ARHGEF16: variants seen among roughly 807,000 people sequenced by gnomAD.
The protein encoded by ARHGEF16 is Rho guanine nucleotide exchange factor 16.
A neutral mutation model predicts 74.1 loss-of-function variants in ARHGEF16; 59 were observed. That is an observed-to-expected ratio of 0.80 (90% confidence interval 0.65 to 0.99). The LOEUF (loss-of-function observed/expected upper bound fraction) is 0.99. Among genes scored for constraint, ARHGEF16 ranks in the 50% least tolerant of loss-of-function variants. The pLI is 0.00. For missense variants in ARHGEF16, 948 were observed against 986.6 expected (o/e 0.96, Z 0.52); for synonymous variants, 415 against 412.6 (o/e 1.01, Z -0.07).
chr1:3,468,743 C>T, intron 4 of ARHGEF16, 137 bp from the exon 5 acceptor site: 1 of 908,960 alleles, frequency 1.1e-6, no homozygotes, highest in Non-Finnish European at 1.7e-6. Context: ...AGGCCTACTC[C>T]AGGATCGGAC....
intron 4 of ARHGEF16, chr1:3,468,438 G>A (rs183725292): frequency 6.2e-5 from 12 of 192,344 alleles, no homozygotes; most frequent in East Asian, 4.3e-4. Flanking sequence ...GAGGGAGCCC[G>A]GGCGGAAACA....
In ARHGEF16 at chr1:3,473,399, C is replaced by T. The variant is rs770137000; in HGVS notation, c.1182C>T (p.Ser394=). The change falls in exon 8 of 15, where the codon AGC becomes AGT. Residue 394 remains serine, a synonymous_variant. Coordinates refer to ENST00000378378, the MANE Select transcript of ARHGEF16 (RefSeq NM_014448.4). ...QQRTLQKLIS[S]NAAFREALRE... is the part of the protein sequence containing the mutation. ...CAGCCTTGTCCTCTTGCAGAAGCAG[C>T]AACGCCGCCTTCCGAGAGGCCCTGA... 1 of 1,606,078 alleles carries T rather than the reference C, an allele frequency of 6.2e-7. No individual in the cohort carries two copies. The highest frequency in any genetic ancestry group is 8.5e-7 in the Non-Finnish European group (1 of 1,175,906).
chr1:3,478,627 G>A lies in ARHGEF16; in HGVS notation c.1814+15G>A, dbSNP rs200358800. On this transcript the variant is annotated intron_variant, in intron 12 of 14. Coordinates refer to ENST00000378378, the MANE Select transcript of ARHGEF16 (RefSeq NM_014448.4). Reference sequence around the variant, plus strand: ...TCGGACTCCGCGTAAGTGGGCTCCCGGGAGGGCTGTTCCCAGGCCACAGGC... The same window carrying A: ...TCGGACTCCGCGTAAGTGGGCTCCCAGGAGGGCTGTTCCCAGGCCACAGGC... 8.4e-4 allele frequency: 1,338 copies of A among 1,593,166 alleles called. No homozygotes were observed. The highest frequency in any genetic ancestry group is 1.1e-3 in the Non-Finnish European group (1,269 of 1,167,912).
intron 1 of ARHGEF16, among the ~76,000 whole-genome samples, chr1:3,458,178 G>A (rs998177187): frequency 2.6e-5 from 4 of 152,224 alleles, no homozygotes; most frequent in Admixed American, 6.5e-5. Context: ...GTGGGGACAC[G>A]AACAGGAAAC....
At chr1:3,458,073 C>G (rs1334315862) in intron 1 of ARHGEF16, among the ~76,000 whole-genome samples, 1 of 152,206 alleles carries the variant, frequency 6.6e-6, no homozygotes, top group Non-Finnish European at 1.5e-5. Flanking sequence ...ACCAGGGCCT[C>G]TCTGGGAAGA....
intron 6 of ARHGEF16, 143 bp downstream of exon 6, chr1:3,469,736 G>A (rs930747750): frequency 1.4e-4 from 171 of 1,199,258 alleles, no homozygotes; most frequent in African/African-American, 3.1e-4. Context: ...GCTGGCTCCC[G>A]CGGAGTGTGA....
chr1:3,459,955 G>A (rs140030583), intron 1 of ARHGEF16, among the ~76,000 whole-genome samples: 16 of 152,332 alleles, frequency 1.1e-4, no homozygotes, highest in East Asian at 9.7e-4. Context: ...AGTGGCCTCC[G>A]GGGATCAGGG....
intron 5 of ARHGEF16, 68 bp from the exon 6 acceptor site, chr1:3,469,365 A>C (rs550779007): frequency 3.2e-6 from 5 of 1,573,044 alleles, no homozygotes; most frequent in African/African-American, 2.7e-5. Flanking sequence ...TCCTGTTCCA[A>C]GCATTGGTCA....
chr1:3,468,660 G>T (rs557806616), intron 4 of ARHGEF16: 12 of 573,404 alleles, frequency 2.1e-5, no homozygotes, highest in Non-Finnish European at 3.5e-5. Context: ...TCTGGCGGCT[G>T]GGGGGAGCGG....
intron 1 of ARHGEF16, among the ~76,000 whole-genome samples, chr1:3,461,698 C>G (rs1639399447): frequency 1.3e-5 from 2 of 152,210 alleles, no homozygotes; most frequent in Admixed American, 1.3e-4. Flanking sequence ...GCCACAACAG[C>G]CCCGCAAAGT....
At position 3,463,017 on chromosome 1, in the gene ARHGEF16, G is replaced by A. The variant is rs1639439746; in HGVS notation, c.-19-49G>A. 1.2e-5 allele frequency: 16 copies of A among 1,335,574 alleles called. 1 individual carries two copies. The South Asian group carries it at 2.1e-4, about 17-fold the overall frequency. 82.7% of individuals were successfully genotyped at this position (1,335,574 alleles called of 1,614,324 possible). A position where few individuals can be genotyped will look rare whatever the true frequency, so the allele number is the denominator to read the frequency against. On this transcript the variant is annotated intron_variant, in intron 1 of 14. Coordinates refer to ENST00000378378, the MANE Select transcript of ARHGEF16 (RefSeq NM_014448.4). Reference sequence around the variant, plus strand: ...GGGGTAGGGGGGTGGACACCCGCGGGGGCAGGGGAGAGCAGCCTCACGAGA... The same window carrying A: ...GGGGTAGGGGGGTGGACACCCGCGGAGGCAGGGGAGAGCAGCCTCACGAGA...
chr1:3,472,666 C>T (rs1639760318), intron 6 of ARHGEF16: 1 of 164,538 alleles, frequency 6.1e-6, no homozygotes. Context: ...GCAGCGGGGG[C>T]CCGGGCCTGT....
chr1:3,459,835 C>T lies in ARHGEF16; in HGVS notation c.-19-3231C>T, dbSNP rs564774645. The stretch of plus-strand genomic sequence containing the variant: ...ACAGGCATCGTGTGATGGGGCCAGC[C>T]GTGATGGAGTCCTCGTCCAACAGGC... On this transcript the variant is annotated intron_variant, in intron 1 of 14. Transcript: ENST00000378378. 7.9e-5 allele frequency among the ~76,000 whole-genome samples: 12 copies of T among 152,028 alleles called. No homozygotes were observed. The South Asian group carries it at 1.2e-3, about 16-fold the overall frequency.
At chr1:3,462,301 C>A (rs529977240) in intron 1 of ARHGEF16, among the ~76,000 whole-genome samples, 1 of 152,166 alleles carries the variant, frequency 6.6e-6, no homozygotes, top group African/African-American at 2.4e-5. Context: ...CAGCTTTATG[C>A]CCAGTTCAGA....
intron 2 of ARHGEF16, among the ~76,000 whole-genome samples, chr1:3,464,317 C>A (rs920385119): frequency 6.6e-6 from 1 of 152,198 alleles, no homozygotes; most frequent in East Asian, 1.9e-4. Flanking sequence ...CCCTCATCCT[C>A]GGAGTCACCA....
chr1:3,463,293 C>G lies in ARHGEF16; in HGVS notation c.209C>G (p.Pro70Arg). The G allele has an allele frequency of 6.5e-7, 1 of 1,550,112 alleles. No individual in the cohort carries two copies. The highest frequency in any genetic ancestry group is 1.2e-5 in the South Asian group (1 of 84,058). The change falls in exon 2 of 15, where the codon CCC becomes CGC. Residue 70 changes from proline (P) to arginine (R), a missense_variant. Coordinates refer to ENST00000378378, the MANE Select transcript of ARHGEF16 (RefSeq NM_014448.4). ...PRPPGHEEPW[P>R]IVLSTESPAA... The stretch of plus-strand genomic sequence containing the variant: ...CCCCCGGGGCACGAGGAGCCATGGC[C>G]CATCGTCCTGAGCACAGAGAGCCCG...
intron 2 of ARHGEF16, among the ~76,000 whole-genome samples, chr1:3,464,583 C>T (rs1410872586): frequency 6.6e-6 from 1 of 152,180 alleles, no homozygotes. Flanking sequence ...GCAGGGCTGG[C>T]CCCAGGGGCG....
At chr1:3,474,860 T>C (rs1420905710) in intron 9 of ARHGEF16, 78 bp downstream of exon 9, 3 of 1,215,972 alleles carry the variant, frequency 2.5e-6, no homozygotes, top group Non-Finnish European at 3.4e-6. Context: ...CCCTACCCGA[T>C]GGCATAGGGC....
chr1:3,466,732 C>T (rs2100741593), intron 3 of ARHGEF16, among the ~76,000 whole-genome samples: 1 of 152,240 alleles, frequency 6.6e-6, no homozygotes, highest in Non-Finnish European at 1.5e-5. Flanking sequence ...GCAATGAAGC[C>T]CGGGGAGGGC....
Sources: allele counts gnomAD v4.1 joint callset (sites outside exome capture counted in the v4.1 genomes callset), GRCh38; gene constraint gnomAD v4.1.1; transcripts MANE v1.5; gene names NCBI Gene and HGNC (gene_info 2026-07-23, HGNC 2026-07-21).